Variants in DAB1 observed in about 807,000 individuals in gnomAD.
The protein encoded by DAB1 is DAB adaptor protein 1.
In DAB1, 15 loss-of-function variants were observed where a neutral mutation model predicts 64.6. That is an observed-to-expected ratio of 0.23 (90% CI 0.16 to 0.36). DAB1 has a LOEUF of 0.36. Ranked by LOEUF, DAB1 falls within the 10% of genes least tolerant of loss-of-function variation. The pLI is 1.00. For missense variants in DAB1, 596 were observed against 706.7 expected (o/e 0.84, Z 1.78); for synonymous variants, 235 against 251.9 (o/e 0.93, Z 0.64).
intron 3 of DAB1, chr1:58,467,819 C>G (rs1013636274): frequency 6.6e-6 from 1 of 152,270 alleles, no homozygotes; most frequent in Non-Finnish European, 1.5e-5. Context: ...ACCAACCACG[C>G]AGCGTAAAAT....
At chr1:58,038,341 G>T (rs951171411) in intron 5 of DAB1, among the ~76,000 whole-genome samples, 2 of 152,062 alleles carry the variant, frequency 1.3e-5, no homozygotes, top group Non-Finnish European at 2.9e-5. Flanking sequence ...TTGACTCTTT[G>T]GTTCTGGATT....
chr1:57,943,629 A>C (rs1300446366), intron 5 of DAB1, among the ~76,000 whole-genome samples: 1 of 152,234 alleles, frequency 6.6e-6, no homozygotes, highest in Admixed American at 6.5e-5. Context: ...GTGGAAAAGC[A>C]CATAATTTAC....
At chr1:58,372,935 G>A (rs1644280469) in intron 3 of DAB1, among the ~76,000 whole-genome samples, 2 of 151,868 alleles carry the variant, frequency 1.3e-5, no homozygotes, top group Admixed American at 1.3e-4. Context: ...TCCAGTCTTG[G>A]GTAGCATCTC....
At chr1:57,444,151 C>T (rs1686052041) in intron 7 of DAB1, among the ~76,000 whole-genome samples, 1 of 152,134 alleles carries the variant, frequency 6.6e-6, no homozygotes, top group Non-Finnish European at 1.5e-5. Context: ...TCCCCCATCC[C>T]TCCAATGGCT....
chr1:57,211,989 C>T (rs577130941), intron 2 of DAB1, among the ~76,000 whole-genome samples: 30 of 152,274 alleles, frequency 2.0e-4, no homozygotes, highest in Middle Eastern at 3.4e-3. Flanking sequence ...CTGAGGAATG[C>T]CTGTATATAT....
At chr1:57,212,892 C>G (rs1666137317) in intron 2 of DAB1, among the ~76,000 whole-genome samples, 1 of 152,180 alleles carries the variant, frequency 6.6e-6, no homozygotes. Flanking sequence ...CTTCTGCCAT[C>G]CTGCGCTGAG....
intron 2 of DAB1, among the ~76,000 whole-genome samples, chr1:57,274,273 C>A (rs550014798): frequency 6.6e-6 from 1 of 152,074 alleles, no homozygotes; most frequent in Non-Finnish European, 1.5e-5. Flanking sequence ...CTAAATAGCC[C>A]GCAAATTATC....
intron 4 of DAB1, among the ~76,000 whole-genome samples, chr1:58,181,645 T>A (rs1656799172): frequency 6.6e-6 from 1 of 152,092 alleles, no homozygotes; most frequent in African/African-American, 2.4e-5. Context: ...GCACCTTAAC[T>A]TTTCATAATA....
intron 7 of DAB1, among the ~76,000 whole-genome samples, chr1:57,560,420 T>C (rs1645037111): frequency 6.6e-6 from 1 of 152,222 alleles, no homozygotes; most frequent in African/African-American, 2.4e-5. Flanking sequence ...AGGGACCTTC[T>C]ACCTCAGTAA....
At chr1:58,302,511 T>C (rs571771692) in intron 4 of DAB1, among the ~76,000 whole-genome samples, 1 of 152,254 alleles carries the variant, frequency 6.6e-6, no homozygotes, top group Non-Finnish European at 1.5e-5. Context: ...AGTGTAAAAA[T>C]TCCAATACAT....
chr1:57,948,970 TTAA>T (rs1489045559), intron 5 of DAB1, among the ~76,000 whole-genome samples: 3 of 152,188 alleles, frequency 2.0e-5, no homozygotes, highest in Non-Finnish European at 2.9e-5. Context: ...AGGATAAATA[TTAA>T]TAATAACAAT....
intron 7 of DAB1, among the ~76,000 whole-genome samples, chr1:57,619,810 A>G (rs1162645342): frequency 6.6e-6 from 1 of 152,122 alleles, no homozygotes; most frequent in African/African-American, 2.4e-5. Flanking sequence ...GCCAAGCTTC[A>G]TCCTGGGAAA....
At position 57,182,386 on chromosome 1, in the gene DAB1, T is replaced by C. The variant is rs1244686846; in HGVS notation, c.68-36957A>G. On this transcript the variant is annotated intron_variant, in intron 2 of 14. Coordinates refer to ENST00000371236, the MANE Select transcript of DAB1 (RefSeq NM_001365792.1). Reference sequence around the variant, plus strand: ...AATGCTCCATGTGCAGGTAAAAATATTGAGGCCCAGTCAGGTGGATCTGGC... The same window carrying C: ...AATGCTCCATGTGCAGGTAAAAATACTGAGGCCCAGTCAGGTGGATCTGGC... Among the ~76,000 whole-genome samples, 4 of 152,204 alleles carry C rather than the reference T, an allele frequency of 2.6e-5. No individual in the cohort carries two copies. The East Asian group carries it at 5.8e-4, about 22-fold the overall frequency.
chr1:57,130,698 C>T lies in DAB1; in HGVS notation c.306+5845G>A, dbSNP rs186028542. Among the ~76,000 whole-genome samples the T allele has an allele frequency of 3.5e-5, 4 of 115,018 alleles. No homozygotes were observed. The East Asian group carries it at 1.2e-3, about 35-fold the overall frequency. The allele number at this position is 115,018 out of a possible 152,430, so 75.5% of individuals were successfully genotyped here. A position where few individuals can be genotyped will look rare whatever the true frequency, so the allele number is the denominator to read the frequency against. ...CATGATCTCACTTATATGCTGAATT[C>T]ATAAAAGCAGAGAGTTGAATGGTGG... On this transcript the variant is annotated intron_variant, in intron 4 of 14. Coordinates refer to ENST00000371236, the MANE Select transcript of DAB1 (RefSeq NM_001365792.1).
chr1:57,818,039 G>T (rs933328838), intron 6 of DAB1, among the ~76,000 whole-genome samples: 1 of 152,002 alleles, frequency 6.6e-6, no homozygotes, highest in Non-Finnish European at 1.5e-5. Context: ...TGAACTCCCT[G>T]GAATAATACT....
intron 1 of DAB1, among the ~76,000 whole-genome samples, chr1:57,362,245 C>G (rs1395949895): frequency 6.6e-6 from 1 of 152,130 alleles, no homozygotes; most frequent in Non-Finnish European, 1.5e-5. Context: ...CTACTTTGAA[C>G]AGCAATTACA....
intron 3 of DAB1, among the ~76,000 whole-genome samples, chr1:58,350,177 G>T (rs1644038177): frequency 1.3e-5 from 2 of 152,108 alleles, no homozygotes; most frequent in African/African-American, 4.8e-5. Context: ...GTATCTCATT[G>T]TGGTTTTGAT....
At chr1:58,479,913 C>G (rs1165767100) in intron 3 of DAB1, among the ~76,000 whole-genome samples, 1 of 152,102 alleles carries the variant, frequency 6.6e-6, no homozygotes, top group Non-Finnish European at 1.5e-5. Flanking sequence ...GGGCCCAGTT[C>G]ATAGTAGATT....
At chr1:57,140,020 G>C (rs980107089) in intron 3 of DAB1, among the ~76,000 whole-genome samples, 5 of 152,138 alleles carry the variant, frequency 3.3e-5, no homozygotes, top group African/African-American at 1.2e-4. Context: ...ACTGCACTCA[G>C]TCTAGAGTGG....
Sources: gnomAD v4.1 joint callset for allele counts (sites outside exome capture counted in the v4.1 genomes callset) on GRCh38, gnomAD v4.1.1 for gene constraint, MANE v1.5 for transcripts, NCBI Gene and HGNC (gene_info 2026-07-23, HGNC 2026-07-21) for gene names.